Variants in NOL4 observed in about 807,000 individuals in gnomAD.
NOL4 encodes the protein cancer/testis antigen 125.
NOL4 carries 17 observed loss-of-function variants against 75.9 expected under a neutral mutation model. The observed-to-expected ratio is 0.22, with a 90% CI of 0.15 to 0.34. The LOEUF is 0.34. Ranked by LOEUF, NOL4 falls within the 10% of genes least tolerant of loss-of-function variation. NOL4 has a pLI of 1.00. For synonymous variants in NOL4, 292 were observed against 289.9 expected (o/e 1.01, Z -0.07); for missense variants, 614 against 793.5 (o/e 0.77, Z 2.72).
intron 6 of NOL4, among the ~76,000 whole-genome samples, chr18:34,004,031 C>T (rs1191606164): frequency 6.6e-6 from 1 of 152,048 alleles, no homozygotes; most frequent in Non-Finnish European, 1.5e-5. Context: ...GAGGCTTCAT[C>T]TGCATAATAA....
At chr18:34,110,528 G>A (rs2079540232) in intron 2 of NOL4, among the ~76,000 whole-genome samples, 1 of 152,038 alleles carries the variant, frequency 6.6e-6, no homozygotes, top group African/African-American at 2.4e-5. Flanking sequence ...TAGAAGAAAT[G>A]TACCTCAATA....
At chr18:33,855,588 CA>C (rs1239370598) in intron 10 of NOL4, among the ~76,000 whole-genome samples, 5 of 152,004 alleles carry the variant, frequency 3.3e-5, no homozygotes, top group Admixed American at 2.6e-4. Flanking sequence ...TTGCTAGGCC[CA>C]CACTTATCCA....
intron 5 of NOL4, among the ~76,000 whole-genome samples, chr18:34,024,669 G>C (rs1006216451): frequency 6.6e-6 from 1 of 152,056 alleles, no homozygotes; most frequent in South Asian, 2.1e-4. Flanking sequence ...AGGTAATGTA[G>C]GCTGAATGAA....
At chr18:33,868,540 CAT>C (rs2063539997) in intron 10 of NOL4, among the ~76,000 whole-genome samples, 1 of 151,922 alleles carries the variant, frequency 6.6e-6, no homozygotes, top group Non-Finnish European at 1.5e-5. Context: ...ATTACTAAGA[CAT>C]GTTCACTATA....
chr18:34,203,715 T>TCACACACACA (rs751513951), intron 1 of NOL4, among the ~76,000 whole-genome samples: 22 of 59,596 alleles, frequency 3.7e-4, no homozygotes, highest in African/African-American at 6.9e-4. Context: ...TCTCTCTCTC[T>TCACACACACA]CTCACACACA....
intron 6 of NOL4, among the ~76,000 whole-genome samples, chr18:33,971,045 T>C (rs1244856623): frequency 6.6e-6 from 1 of 152,176 alleles, no homozygotes; most frequent in African/African-American, 2.4e-5. Flanking sequence ...TGACTAGGTG[T>C]CGGTGAGATA....
At chr18:33,991,315 G>A (rs1367505424) in intron 6 of NOL4, among the ~76,000 whole-genome samples, 1 of 151,886 alleles carries the variant, frequency 6.6e-6, no homozygotes, top group African/African-American at 2.4e-5. Context: ...CCACCCAACT[G>A]AAACTTTATT....
At chr18:33,878,304 T>C (rs909047136) in intron 10 of NOL4, among the ~76,000 whole-genome samples, 2 of 152,206 alleles carry the variant, frequency 1.3e-5, no homozygotes, top group South Asian at 4.1e-4. Context: ...CACTTGTGTA[T>C]TATTCTTTTC....
rs200655232 is a variant in NOL4 at position 34,035,765 on chromosome 18, T to TA, written c.773-16165dup. On this transcript the variant is annotated intron_variant, in intron 5 of 10. Coordinates refer to ENST00000261592, the MANE Select transcript of NOL4 (RefSeq NM_003787.5). ...AGAAGAGAAGATAGAAGACTCAAAT[T>TA]AAAAAAAATCAGAAATGAAAATGGA... Among the ~76,000 whole-genome samples the TA allele has an allele frequency of 9.9e-4, 149 of 151,064 alleles. 1 individual carries two copies. The East Asian group carries it at 0.022, about 22-fold the overall frequency.
intron 6 of NOL4, among the ~76,000 whole-genome samples, chr18:34,001,316 A>G (rs116471260): frequency 0.013 from 2,025 of 152,286 alleles, 42 homozygotes; most frequent in African/African-American, 0.046. Context: ...TTTCCTAATC[A>G]CGGACTGTAG....
chr18:34,196,781 G>T (rs945712422), intron 1 of NOL4, among the ~76,000 whole-genome samples: 2 of 151,842 alleles, frequency 1.3e-5, no homozygotes, highest in African/African-American at 4.8e-5. Flanking sequence ...ACACTTAAAG[G>T]TTCAAGAAAC....
intron 10 of NOL4, among the ~76,000 whole-genome samples, chr18:33,882,185 A>G (rs2064329592): frequency 6.6e-6 from 1 of 152,218 alleles, no homozygotes; most frequent in Admixed American, 6.5e-5. Context: ...CAATGGCAAC[A>G]AAAGCCAAAG....
intron 5 of NOL4, among the ~76,000 whole-genome samples, chr18:34,032,972 C>T (rs1275748663): frequency 6.6e-6 from 1 of 152,164 alleles, no homozygotes; most frequent in Non-Finnish European, 1.5e-5. Context: ...AGAAGTTTTA[C>T]AAAGACTACA....
At chr18:34,033,822 G>A (rs1054290246) in intron 5 of NOL4, among the ~76,000 whole-genome samples, 7 of 151,774 alleles carry the variant, frequency 4.6e-5, no homozygotes, top group African/African-American at 1.7e-4. Context: ...ACCTATAAAG[G>A]AACACTCCAT....
At chr18:34,177,828 CT>C (rs963170889) in intron 1 of NOL4, among the ~76,000 whole-genome samples, 3 of 151,758 alleles carry the variant, frequency 2.0e-5, no homozygotes, top group Non-Finnish European at 4.4e-5. Context: ...GAATTTGTCA[CT>C]AGCATACTTG....
chr18:34,149,788 C>G (rs1280359425), intron 1 of NOL4, among the ~76,000 whole-genome samples: 1 of 151,564 alleles, frequency 6.6e-6, no homozygotes, highest in East Asian at 1.9e-4. Flanking sequence ...ACAATGAACT[C>G]ATTAAGAGAA....
intron 1 of NOL4, among the ~76,000 whole-genome samples, chr18:34,188,539 C>T (rs536175998): frequency 7.2e-5 from 11 of 152,298 alleles, no homozygotes; most frequent in African/African-American, 2.4e-4. Flanking sequence ...GCTCAGAACA[C>T]TTATATTAGC....
At position 34,031,765 on chromosome 18, in the gene NOL4, C is replaced by T. The variant is rs143415349; in HGVS notation, c.773-12164G>A. On this transcript the variant is annotated intron_variant, in intron 5 of 10. Coordinates refer to ENST00000261592, the MANE Select transcript of NOL4 (RefSeq NM_003787.5). ...AGATGCCAAGAGAGACTCCTCAATA[C>T]AAGGAAAGAGTAAGTGAGAAACCCT... 9.5e-3 allele frequency among the ~76,000 whole-genome samples: 1,448 copies of T among 152,284 alleles called. 6 individuals carry two copies. Among genetic ancestry groups the T allele is most frequent in the Middle Eastern group, 0.034 (10 of 294 alleles).
chr18:33,959,664 C>A (rs2069943849), intron 6 of NOL4, among the ~76,000 whole-genome samples: 1 of 151,902 alleles, frequency 6.6e-6, no homozygotes, highest in Non-Finnish European at 1.5e-5. Context: ...TACAATAAAG[C>A]AAATAATGAA....
Sources: allele counts gnomAD v4.1 joint callset (sites outside exome capture counted in the v4.1 genomes callset), GRCh38; gene constraint gnomAD v4.1.1; transcripts MANE v1.5; gene names NCBI Gene and HGNC (gene_info 2026-07-23, HGNC 2026-07-21).